The following TP73 variants were observed in gnomAD, a reference collection of about 807,000 sequenced individuals.
TP73 encodes tumor protein p73.
A neutral mutation model predicts 62.5 loss-of-function variants in TP73; 25 were observed. The observed-to-expected ratio is 0.40, with a 90% CI of 0.29 to 0.56. The LOEUF (loss-of-function observed/expected upper bound fraction) is 0.56. Among genes scored for constraint, TP73 ranks in the 20% least tolerant of loss-of-function variants. The probability of loss-of-function intolerance (pLI) is 0.46; values close to 1 mark genes in which losing one functional copy is unlikely to be tolerated. For missense variants in TP73, 754 were observed against 913.3 expected, an observed-to-expected ratio of 0.83 and a Z score of 2.25; for synonymous variants, 423 against 377.5, an observed-to-expected ratio of 1.12 and a Z score of -1.40.
At position 3,729,954 on chromosome 1, in the gene TP73, G is replaced by A. The variant is rs79198967; in HGVS notation, c.1197-46G>A. On this transcript the variant is annotated intron_variant, in intron 10 of 13. Transcript: ENST00000378295. Reference sequence around the variant, plus strand: ...ACGGGCATGGGTGGTCGGTGGGCACGAGGCTGCCTTGCTTCCCACCCATGC... The same window carrying A: ...ACGGGCATGGGTGGTCGGTGGGCACAAGGCTGCCTTGCTTCCCACCCATGC... The A allele has an allele frequency of 3.8e-3, 5,881 of 1,540,674 alleles. 172 individuals are homozygous for A. In the African/African-American group the frequency reaches 0.065, roughly 17 times the overall value.
Position 3,730,327 on chromosome 1 carries a change from C to A in TP73, c.1345+179C>A, listed in dbSNP as rs561326648. Among the ~76,000 whole-genome samples, 263 of 152,380 alleles carry A rather than the reference C, an allele frequency of 1.7e-3. 1 individual carries two copies. Among genetic ancestry groups the A allele is most frequent in the African/African-American group, 6.1e-3 (252 of 41,590 alleles). On this transcript the variant is annotated intron_variant, in intron 11 of 13. Transcript: ENST00000378295. ...CCACGGATAGCCCTCTCTGCCCACT[C>A]CTGGCTGTGGGAGGTGGAGGGGGGC...
At chr1:3,667,121 T>G (rs1645136016) in intron 1 of TP73, among the ~76,000 whole-genome samples, 1 of 151,992 alleles carries the variant, frequency 6.6e-6, no homozygotes, top group African/African-American at 2.4e-5. Flanking sequence ...TGCCAAGGAA[T>G]ATGCCTGCGG....
intron 4 of TP73, among the ~76,000 whole-genome samples, chr1:3,710,219 G>A (rs1365713744): frequency 2.7e-5 from 4 of 149,810 alleles, no homozygotes; most frequent in Admixed American, 6.6e-5. Flanking sequence ...GTGGGGGGGC[G>A]CGAACTGGGG....
chr1:3,712,565 C>T (rs1269967962), intron 4 of TP73: 2 of 152,256 alleles, frequency 1.3e-5, no homozygotes, highest in African/African-American at 2.4e-5. Context: ...AGGGAGAACC[C>T]CTTGGGGGAC....
At chr1:3,687,715 C>T (rs1645699421) in intron 3 of TP73, among the ~76,000 whole-genome samples, 1 of 152,130 alleles carries the variant, frequency 6.6e-6, no homozygotes, top group Non-Finnish European at 1.5e-5. Context: ...CCTCCCCTCT[C>T]TGTCCCTAGA....
chr1:3,688,007 A>G (rs1270596301), intron 3 of TP73, among the ~76,000 whole-genome samples: 1 of 152,114 alleles, frequency 6.6e-6, no homozygotes, highest in Non-Finnish European at 1.5e-5. Flanking sequence ...AGGAGAAGGA[A>G]GGGCGCAGGT....
At chr1:3,660,518 G>A (rs941426158) in intron 1 of TP73, among the ~76,000 whole-genome samples, 5 of 152,164 alleles carry the variant, frequency 3.3e-5, no homozygotes, top group African/African-American at 1.2e-4. Context: ...TAACTCTATG[G>A]CCGTAAAAAT....
chr1:3,731,533 C>T lies in TP73; in HGVS notation c.1555C>T (p.His519Tyr), dbSNP rs771664969. The change falls in exon 13 of 14, where the codon CAC becomes TAC. Residue 519 changes from histidine (H) to tyrosine (Y), a missense_variant. His to Tyr is a moderately conservative substitution (Grantham distance 83). Transcript: ENST00000378295. The stretch of plus-strand genomic sequence containing the variant: ...CTCCCAAGGGTTACAGAGCATTTAC[C>T]ACCTGCAGAACCTGACCATTGAGGT... Reference protein sequence around the residue: ...FTSQGLQSIYHLQNLTIEDLG... With the variant: ...FTSQGLQSIYYLQNLTIEDLG... 6.2e-7 allele frequency: 1 copy of T among 1,613,824 alleles called. No individual in the cohort carries two copies. Among genetic ancestry groups the T allele is most frequent in the Non-Finnish European group, 8.5e-7 (1 of 1,180,026 alleles).
intron 1 of TP73, among the ~76,000 whole-genome samples, chr1:3,671,798 A>G (rs1645246284): frequency 6.6e-6 from 1 of 152,196 alleles, no homozygotes; most frequent in Non-Finnish European, 1.5e-5. Context: ...GCCAGCGGAC[A>G]GCCACTCTGA....
intron 3 of TP73, among the ~76,000 whole-genome samples, chr1:3,687,680 A>T (rs1488025022): frequency 1.3e-5 from 2 of 151,124 alleles, no homozygotes; most frequent in African/African-American, 4.9e-5. Context: ...CCTCCCCTCC[A>T]CTCTGCTCCG....
chr1:3,700,042 G>A (rs544392009), intron 3 of TP73, among the ~76,000 whole-genome samples: 3 of 152,018 alleles, frequency 2.0e-5, no homozygotes, highest in Admixed American at 2.0e-4. Flanking sequence ...GGGGTCCCTC[G>A]GGAAGCTGTT....
intron 6 of TP73, among the ~76,000 whole-genome samples, chr1:3,724,184 TA>T (rs1364038509): frequency 2.0e-5 from 3 of 151,254 alleles, no homozygotes; most frequent in African/African-American, 7.3e-5. Flanking sequence ...AAGGCTGGGG[TA>T]GGGGGAAACA....
chr1:3,692,609 G>A (rs879622), intron 3 of TP73, among the ~76,000 whole-genome samples: 43,355 of 152,086 alleles, frequency 0.29, 7,325 homozygotes, highest in Non-Finnish European at 0.37. Flanking sequence ...AGGTGTGTGA[G>A]CTGGGAGGGG....
intron 3 of TP73, among the ~76,000 whole-genome samples, chr1:3,690,011 C>A (rs563363941): frequency 6.3e-4 from 96 of 152,350 alleles, no homozygotes; most frequent in Non-Finnish European, 9.3e-4. Context: ...ACTGCAGAGC[C>A]CCTCCCTGGC....
intron 5 of TP73, 49 bp downstream of exon 5, chr1:3,722,256 C>T: frequency 1.2e-6 from 2 of 1,602,502 alleles, no homozygotes; most frequent in Non-Finnish European, 8.5e-7. Flanking sequence ...GCCCAGCATC[C>T]CGGACAGCAC....
rs1438082902 is a variant in TP73, at chr1:3,708,044, GC to G, written c.429+256del. 27 of 595,128 alleles carry G rather than the reference GC, an allele frequency of 4.5e-5. No individual in the cohort carries two copies. The East Asian group carries it at 7.9e-4, about 17-fold the overall frequency. The allele number at this position is 595,128 out of a possible 1,614,324, so 36.9% of individuals were successfully genotyped here. ...AAGGGCCACAGAGGGGACGGACTTG[GC>G]CCTGCTGGTGAGATCTCTGCCAAGA... On this transcript the variant is annotated intron_variant, in intron 4 of 13. Coordinates refer to ENST00000378295, the MANE Select transcript of TP73 (RefSeq NM_005427.4).
At chr1:3,719,893 T>TGC (rs1157176265) in intron 4 of TP73, among the ~76,000 whole-genome samples, 1 of 70,884 alleles carries the variant, frequency 1.4e-5, no homozygotes, top group Non-Finnish European at 3.6e-5. Flanking sequence ...TTTCTCTTTG[T>TGC]GTGTGTGTGT....
At chr1:3,692,780 C>T (rs896634153) in intron 3 of TP73, among the ~76,000 whole-genome samples, 3 of 152,210 alleles carry the variant, frequency 2.0e-5, no homozygotes, top group Non-Finnish European at 2.9e-5. Flanking sequence ...ATGTGACTCA[C>T]CCTCTCGGGG....
chr1:3,729,359 G>A lies in TP73; in HGVS notation c.1107G>A (p.Met369Ile). 2 of 1,613,254 alleles carry A rather than the reference G, an allele frequency of 1.2e-6. No individual in the cohort carries two copies. The highest frequency in any genetic ancestry group is 1.1e-5 in the South Asian group (1 of 91,084). The change falls in exon 10 of 14, where the codon ATG becomes ATA. Residue 369 changes from methionine to isoleucine, a missense_variant. Physicochemically the swap from Met to Ile is conservative, Grantham distance 10. This residue lies in a region of TP73 where 458 missense variants were observed against 528.7 expected (regional missense o/e 0.87). Transcript: ENST00000378295. ...GCCGGGAGAACTTTGAGATCCTGAT[G>A]AAGCTGAAAGAGAGCCTGGAGCTGA... Reference protein sequence around the residue: ...VRGRENFEILMKLKESLELME... With the variant: ...VRGRENFEILIKLKESLELME...
Sources: gnomAD v4.1 joint callset for allele counts (sites outside exome capture counted in the v4.1 genomes callset) on GRCh38, gnomAD v4.1.1 for gene constraint, gnomAD v4.1.1 regional missense constraint, MANE v1.5 for transcripts, NCBI Gene and HGNC (gene_info 2026-07-23, HGNC 2026-07-21) for gene names.